PARP14: variants seen among roughly 807,000 people sequenced by gnomAD.
The protein encoded by PARP14 is poly(ADP-ribose) polymerase family member 14.
A neutral mutation model predicts 154.2 loss-of-function variants in PARP14; 59 were observed. The ratio of observed to expected loss-of-function variants is 0.38; its 90% CI spans 0.31 to 0.48. The LOEUF (loss-of-function observed/expected upper bound fraction) is 0.48. Among genes scored for constraint, PARP14 ranks in the 20% least tolerant of loss-of-function variants. The pLI is 0.98. For missense variants in PARP14, 1,734 were observed against 2,131.6 expected, an observed-to-expected ratio of 0.81 and a Z score of 3.67; for synonymous variants, 720 against 780.5, an observed-to-expected ratio of 0.92 and a Z score of 1.29.
At chr3:122,697,694 A>G (rs1170126181) in intron 5 of PARP14, among the ~76,000 whole-genome samples, 1 of 152,244 alleles carries the variant, frequency 6.6e-6, no homozygotes, top group African/African-American at 2.4e-5. Context: ...TCAACTTCAC[A>G]AAATCTGTTT....
At chr3:122,705,987 T>G (rs1939140850) in intron 8 of PARP14, among the ~76,000 whole-genome samples, 1 of 152,194 alleles carries the variant, frequency 6.6e-6, no homozygotes, top group Admixed American at 6.5e-5. Context: ...GCACATACTT[T>G]CCCTCCTATA....
chr3:122,691,916 T>C (rs1403444454), intron 3 of PARP14, among the ~76,000 whole-genome samples: 2 of 152,222 alleles, frequency 1.3e-5, no homozygotes, highest in African/African-American at 2.4e-5. Context: ...TAAATGACTA[T>C]TTACTTAGCT....
chr3:122,695,206 C>T (rs1218197550), intron 4 of PARP14, among the ~76,000 whole-genome samples: 1 of 152,192 alleles, frequency 6.6e-6, no homozygotes, highest in Non-Finnish European at 1.5e-5. Context: ...GGACACAGCT[C>T]AGTGGCAGCA....
chr3:122,682,774 G>A lies in PARP14; in HGVS notation c.187+1704G>A, dbSNP rs547156908. On this transcript the variant is annotated intron_variant, in intron 1 of 16. Transcript: ENST00000474629. ...AACTTATTAAAACTCAAAACCGGCC[G>A]GGCGTGGTGGCTCACGCCTGTTAAT... is the stretch of plus-strand genomic sequence containing the variant. Among the ~76,000 whole-genome samples the A allele has an allele frequency of 5.9e-5, 9 of 152,178 alleles. No individual in the cohort carries two copies. In the South Asian group the frequency reaches 6.2e-4, roughly 11 times the overall value.
In PARP14 at chr3:122,727,933, C is replaced by T; in HGVS notation, c.5063C>T (p.Ser1688Phe). The T allele has an allele frequency of 1.6e-5, 26 of 1,613,852 alleles. No individual in the cohort carries two copies. The highest frequency in any genetic ancestry group is 2.2e-5 in the Non-Finnish European group (26 of 1,179,790). Reference sequence around the variant, plus strand: ...CTCTTCCATGGGACAGATGCCGGCTCCGTGCCACACGTCAATCGAAATGGC... The same window carrying T: ...CTCTTCCATGGGACAGATGCCGGCTTCGTGCCACACGTCAATCGAAATGGC... ...KQLFHGTDAGSVPHVNRNGFN... is the reference protein window; with the variant it reads ...KQLFHGTDAGFVPHVNRNGFN... The change falls in exon 16 of 17, where the codon TCC becomes TTC. Residue 1688 changes from serine to phenylalanine, a missense_variant. Coordinates refer to ENST00000474629, the MANE Select transcript of PARP14 (RefSeq NM_017554.3).
rs1938572455 is a variant in PARP14 at position 122,692,447 on chromosome 3, T to C, written c.502T>C (p.Leu168=). The C allele has an allele frequency of 1.2e-6, 2 of 1,613,708 alleles. No individual in the cohort carries two copies. Among genetic ancestry groups the C allele is most frequent in the South Asian group, 2.2e-5 (2 of 91,072 alleles). ...ANVTDIMLIL[L]VENISGLSND... ...TGTGACTGACATAATGCTAATCTTGTTAGTGGAGAACATAAGTGGCCTGTC... is the reference window on the plus strand; with the variant it reads ...TGTGACTGACATAATGCTAATCTTGCTAGTGGAGAACATAAGTGGCCTGTC... Residue 168 remains leucine, a synonymous_variant, in exon 4 of 17, where the codon TTA becomes CTA. Coordinates refer to ENST00000474629, the MANE Select transcript of PARP14 (RefSeq NM_017554.3).
At chr3:122,687,227 T>C in intron 3 of PARP14, 114 bp downstream of exon 3, 1 of 742,862 alleles carries the variant, frequency 1.3e-6, no homozygotes, top group Non-Finnish European at 2.4e-6. Context: ...CAGGATGTGC[T>C]CCGCTGGGAG....
In PARP14 at chr3:122,718,997, A is replaced by G. The variant is rs199788355; in HGVS notation, c.4807+39A>G. 5.8e-5 allele frequency: 86 copies of G among 1,491,406 alleles called. No individual in the cohort carries two copies. The Middle Eastern group carries it at 1.2e-3, about 21-fold the overall frequency. 92.4% of individuals were successfully genotyped at this position (1,491,406 alleles called of 1,614,324 possible). A position where few individuals can be genotyped will look rare whatever the true frequency, so the allele number is the denominator to read the frequency against. Reference sequence around the variant, plus strand: ...TCATACTTGTCATCCACTATTTCACATCTACTTTGGGCATAACACTATTTG... The same window carrying G: ...TCATACTTGTCATCCACTATTTCACGTCTACTTTGGGCATAACACTATTTG... On this transcript the variant is annotated intron_variant, in intron 14 of 16. Transcript: ENST00000474629.
At chr3:122,702,880 C>A (rs1330526833) in intron 6 of PARP14, among the ~76,000 whole-genome samples, 1 of 151,436 alleles carries the variant, frequency 6.6e-6, no homozygotes, top group Admixed American at 6.6e-5. Flanking sequence ...GTCCTTACTA[C>A]TCGGAATGCT....
rs1175027375 is a variant in PARP14, at chr3:122,703,864, G to A, written c.3204G>A (p.Gly1068=). Residue 1068 remains glycine, a synonymous_variant, in exon 7 of 17, where the codon GGG becomes GGA. Transcript: ENST00000474629. ...LQEELDTVGQ[G]VAVSMGTVLK... ...AGGAATTGGACACAGTTGGACAAGG[G>A]GTGGCTGTCAGCATGGGCACAGTGC... is the stretch of plus-strand genomic sequence containing the variant. 6.2e-7 allele frequency: 1 copy of A among 1,613,980 alleles called. No homozygotes were observed. Among genetic ancestry groups the A allele is most frequent in the African/African-American group, 1.3e-5 (1 of 75,040 alleles).
chr3:122,719,124 G>A (rs190875337), intron 14 of PARP14, among the ~76,000 whole-genome samples, 166 bp downstream of exon 14: 38 of 152,182 alleles, frequency 2.5e-4, no homozygotes, highest in African/African-American at 9.2e-4. Flanking sequence ...GTTATGGCCA[G>A]GAAAACCCAG....
intron 15 of PARP14, among the ~76,000 whole-genome samples, chr3:122,727,479 C>T (rs1933315899): frequency 6.6e-6 from 1 of 152,200 alleles, no homozygotes. Flanking sequence ...AGGTGGACAG[C>T]AACAGGAGCA....
At chr3:122,694,720 A>G (rs1938714195) in intron 4 of PARP14, among the ~76,000 whole-genome samples, 1 of 152,064 alleles carries the variant, frequency 6.6e-6, no homozygotes, top group African/African-American at 2.4e-5. Flanking sequence ...GAGTTTCACT[A>G]TGTTGGCCAG....
intron 4 of PARP14, among the ~76,000 whole-genome samples, chr3:122,693,280 C>T (rs887941116): frequency 3.3e-5 from 5 of 152,174 alleles, no homozygotes; most frequent in South Asian, 2.1e-4. Flanking sequence ...TGTAGACAAT[C>T]TCTGAGATTG....
intron 6 of PARP14, among the ~76,000 whole-genome samples, chr3:122,703,535 A>G (rs1198013653): frequency 6.6e-6 from 1 of 152,142 alleles, no homozygotes; most frequent in Non-Finnish European, 1.5e-5. Context: ...CCATTCATAG[A>G]TTACTTTTTG....
chr3:122,712,942 T>G (rs34863113), intron 9 of PARP14, among the ~76,000 whole-genome samples: 22,370 of 152,180 alleles, frequency 0.15, 1,659 homozygotes, highest in Admixed American at 0.17. Context: ...AATACAGACT[T>G]GACATTTTAA....
At position 122,713,355 on chromosome 3, in the gene PARP14, T is replaced by G. The variant is rs1939382742; in HGVS notation, c.3620-69T>G. On this transcript the variant is annotated intron_variant, in intron 9 of 16. Transcript: ENST00000474629. Reference sequence around the variant, plus strand: ...GGAAGACATCCAAGAGGGTCCCATGTGAGCAGGATACCCAAGTCATTCTTG... The same window carrying G: ...GGAAGACATCCAAGAGGGTCCCATGGGAGCAGGATACCCAAGTCATTCTTG... The G allele has an allele frequency of 1.6e-5, 22 of 1,350,526 alleles. 1 individual carries two copies. In the South Asian group the frequency reaches 2.0e-4, roughly 12 times the overall value. The allele number at this position is 1,350,526 out of a possible 1,614,324, so 83.7% of individuals were successfully genotyped here. A position where few individuals can be genotyped will look rare whatever the true frequency, so the allele number is the denominator to read the frequency against.
Position 122,701,235 on chromosome 3 carries a change from T to C in PARP14, c.2681T>C (p.Val894Ala), listed in dbSNP as rs774999991. The C allele has an allele frequency of 1.1e-5, 18 of 1,613,686 alleles. No homozygotes were observed. The highest frequency in any genetic ancestry group is 1.5e-5 in the Non-Finnish European group (18 of 1,179,736). Residue 894 changes from valine (V) to alanine (A), a missense_variant, in exon 6 of 17, where the codon GTG becomes GCG. Val to Ala is a moderately conservative substitution (Grantham distance 64). This residue lies in a region of PARP14 where 1,646 missense variants were observed against 1,976.0 expected (regional missense o/e 0.83). Coordinates refer to ENST00000474629, the MANE Select transcript of PARP14 (RefSeq NM_017554.3). The surrounding 1 kb of genome is among the most constrained non-coding windows in gnomAD (Gnocchi z 4.0). Reference protein sequence around the residue: ...RWSGYEAPRCVYLLRRAVQLS... With the variant: ...RWSGYEAPRCAYLLRRAVQLS... Reference sequence around the variant, plus strand: ...AGCGGATATGAGGCCCCGAGGTGTGTGTACCTATTAAGGAGAGCTGTGCAA... The same window carrying C: ...AGCGGATATGAGGCCCCGAGGTGTGCGTACCTATTAAGGAGAGCTGTGCAA...
intron 8 of PARP14, among the ~76,000 whole-genome samples, chr3:122,705,079 C>T (rs1413165497): frequency 2.0e-5 from 3 of 152,280 alleles, no homozygotes; most frequent in South Asian, 2.1e-4. Flanking sequence ...TATTTCCCTT[C>T]CTTCTATATT....
Sources: allele counts gnomAD v4.1 joint callset (sites outside exome capture counted in the v4.1 genomes callset), GRCh38; gene constraint gnomAD v4.1.1; regional missense constraint gnomAD v4.1.1; non-coding constraint Gnocchi (gnomAD v3.1); transcripts MANE v1.5; gene names NCBI Gene and HGNC (gene_info 2026-07-23, HGNC 2026-07-21).